UBTF: variants seen among roughly 807,000 people sequenced by gnomAD.
The protein encoded by UBTF is upstream binding transcription factor, also known as nucleolar transcription factor 1.
In UBTF, 8 loss-of-function variants were observed where a neutral mutation model predicts 112.3. The ratio of observed to expected loss-of-function variants is 0.07; its 90% CI spans 0.04 to 0.13. UBTF has a LOEUF of 0.13. Ranked by LOEUF, UBTF falls within the 10% of genes least tolerant of loss-of-function variation. The pLI is 1.00. For synonymous variants in UBTF, 417 were observed against 373.1 expected (o/e 1.12, Z -1.36); for missense variants, 457 against 982.1 (o/e 0.47, Z 7.15).
chr17:44,213,367 G>A, intron 5 of UBTF, 85 bp from the exon 6 acceptor site: 1 of 1,421,228 alleles, frequency 7.0e-7, no homozygotes. Flanking sequence ...CCTCCTCGCT[G>A]GCTCTTCTGC....
Position 44,207,164 on chromosome 17 carries a change from TG to T in UBTF, c.*77del, listed in dbSNP as rs966720238. 6.6e-7 allele frequency: 1 copy of T among 1,507,046 alleles called. No homozygotes were observed. Among genetic ancestry groups the T allele is most frequent in the Non-Finnish European group, 9.1e-7 (1 of 1,096,298 alleles). 93.4% of individuals were successfully genotyped at this position (1,507,046 alleles called of 1,614,324 possible). A position where few individuals can be genotyped will look rare whatever the true frequency, so the allele number is the denominator to read the frequency against. On this transcript the variant is annotated 3_prime_UTR_variant, in exon 21 of 21. Transcript: ENST00000436088. The stretch of plus-strand genomic sequence containing the variant: ...GGCCAGGGGGGCAAGGGACAGAACA[TG>T]GGGGAGAAACAAAGGTGGTCAGTTG...
chr17:44,210,469 T>C lies in UBTF; in HGVS notation c.1364A>G (p.Lys455Arg). 1.2e-6 allele frequency: 2 copies of C among 1,606,372 alleles called. No individual in the cohort carries two copies. The highest frequency in any genetic ancestry group is 1.7e-6 in the Non-Finnish European group (2 of 1,178,338). The change falls in exon 14 of 21, where the codon AAG (lysine) becomes AGG (arginine). Residue 455 changes from lysine (K) to arginine (R), a missense_variant. Physicochemically the swap from Lys to Arg is conservative, Grantham distance 26. This residue lies in a region of UBTF where 108 missense variants were observed against 137.4 expected (regional missense o/e 0.79). Coordinates refer to ENST00000436088, the MANE Select transcript of UBTF (RefSeq NM_014233.4). ...GAGCGCCGCCTCTCGGGCCTTGTAC[T>C]TGGCCTGCGGGGATGGCCCGGGCGT... Reference protein sequence around the residue: ...WNDLSEKKKAKYKAREAALKA... With the variant: ...WNDLSEKKKARYKAREAALKA...
chr17:44,218,106 G>A, intron 2 of UBTF, 66 bp downstream of exon 2: 2 of 1,512,334 alleles, frequency 1.3e-6, no homozygotes, highest in Non-Finnish European at 1.8e-6. Flanking sequence ...GAAGAAGGGA[G>A]TGAGCCCCGC....
At chr17:44,212,983 A>G in intron 6 of UBTF, 44 bp from the exon 7 acceptor site, 1 of 1,604,870 alleles carries the variant, frequency 6.2e-7, no homozygotes. Flanking sequence ...GGACGCTGCC[A>G]GGGCAGACTC....
chr17:44,207,562 G>C lies in UBTF; in HGVS notation c.2061C>G (p.Asp687Glu), dbSNP rs142426190. ...SEEDDEEDED[D>E]EDEDEEEEDD... ...CTTCCTCTTCTTCATCCTCGTCCTC[G>C]TCATCCTCATCCTCTTCATCATCCT... Residue 687 changes from aspartate (D) to glutamate (E), a missense_variant, in exon 20 of 21, where the codon GAC becomes GAG. Physicochemically the swap from Asp to Glu is conservative, Grantham distance 45. Transcript: ENST00000436088. 8 of 1,614,046 alleles carry C rather than the reference G, an allele frequency of 5.0e-6. No individual in the cohort carries two copies. In the African/African-American group the frequency reaches 1.1e-4, roughly 22 times the overall value.
At chr17:44,210,648 C>T (rs2056606128) in intron 13 of UBTF, 144 bp downstream of exon 13, 3 of 1,391,264 alleles carry the variant, frequency 2.2e-6, no homozygotes, top group African/African-American at 3.0e-5. Flanking sequence ...TTCCCGCCTT[C>T]CGGCTGCTGG....
Position 44,210,488 on chromosome 17 carries a change from C to A in UBTF, c.1360-15G>T. Reference sequence around the variant, plus strand: ...TTGTACTTGGCCTGCGGGGATGGCCCGGGCGTCAGCCTTCCACCCACCCCC... The same window carrying A: ...TTGTACTTGGCCTGCGGGGATGGCCAGGGCGTCAGCCTTCCACCCACCCCC... On this transcript the variant is annotated splice_polypyrimidine_tract_variant and intron_variant, in intron 13 of 20. Transcript: ENST00000436088. 1 of 1,582,732 alleles carries A rather than the reference C, an allele frequency of 6.3e-7. No individual in the cohort carries two copies.
intron 3 of UBTF, 89 bp from the exon 4 acceptor site, chr17:44,216,078 T>C: frequency 9.6e-7 from 1 of 1,037,948 alleles, no homozygotes; most frequent in Admixed American, 2.0e-5. Context: ...GGGTCTCTTC[T>C]ACTCTTTACT....
rs2056691114 is a variant in UBTF at position 44,211,763 on chromosome 17, GGA to G, written c.906-18_906-17del. 6.2e-7 allele frequency: 1 copy of G among 1,603,124 alleles called. No homozygotes were observed. Among genetic ancestry groups the G allele is most frequent in the Non-Finnish European group, 8.5e-7 (1 of 1,177,478 alleles). On this transcript the variant is annotated splice_polypyrimidine_tract_variant and intron_variant, in intron 9 of 20. Coordinates refer to ENST00000436088, the MANE Select transcript of UBTF (RefSeq NM_014233.4). This position sits in a 1 kb window ranked among gnomAD's most constrained non-coding sequence, Gnocchi z 4.9. The stretch of plus-strand genomic sequence containing the variant: ...GTAGCTGTTCCTATCAGAGCCGCGG[GGA>G]GAGAGGTGCAGCCCGTAAGCGAGCA...
At chr17:44,213,710 C>A (rs2046697285) in intron 5 of UBTF, among the ~76,000 whole-genome samples, 1 of 152,188 alleles carries the variant, frequency 6.6e-6, no homozygotes, top group African/African-American at 2.4e-5. Context: ...ATTAGTCTGT[C>A]CCCTTGTACG....
Position 44,207,216 on chromosome 17 carries a change from T to C in UBTF, c.*26A>G, listed in dbSNP as rs748055414. The C allele has an allele frequency of 3.1e-6, 5 of 1,612,846 alleles. 1 individual carries two copies. The South Asian group carries it at 5.5e-5, about 18-fold the overall frequency. ...GGGAGGGGAGCTCCTGGGCTCTCCC[T>C]GGCTGCCCTGGGGTGGGGCTGAGCC... On this transcript the variant is annotated 3_prime_UTR_variant, in exon 21 of 21. Transcript: ENST00000436088.
intron 7 of UBTF, 113 bp downstream of exon 7, chr17:44,212,706 T>G (rs2056770982): frequency 6.5e-7 from 1 of 1,538,660 alleles, no homozygotes; most frequent in Non-Finnish European, 8.8e-7. Flanking sequence ...AGCCCACCCC[T>G]GGGGAGGGGC....
At position 44,215,657 on chromosome 17, in the gene UBTF, C is replaced by T; in HGVS notation, c.471G>A (p.Lys157=). The part of the protein sequence containing the change: ...SKKYKELPEK[K]KMKYIQDFQR... ...ACCTTAACTCTCCTCCCCCCACCTTCTTCTTCTCCGGAAGCTCCTTGTATT... is the reference window on the plus strand; with the variant it reads ...ACCTTAACTCTCCTCCCCCCACCTTTTTCTTCTCCGGAAGCTCCTTGTATT... Residue 157 remains lysine, a synonymous_variant, in exon 5 of 21, where the codon AAG becomes AAA. Transcript: ENST00000436088. The T allele has an allele frequency of 2.5e-6, 4 of 1,613,966 alleles. No homozygotes were observed. The highest frequency in any genetic ancestry group is 2.5e-6 in the Non-Finnish European group (3 of 1,179,984).
chr17:44,216,242 G>A (rs2144551479), intron 3 of UBTF: 1 of 603,050 alleles, frequency 1.7e-6, no homozygotes, highest in Non-Finnish European at 2.9e-6. Flanking sequence ...CAACCTGGTT[G>A]TCCATGCTAA....
intron 2 of UBTF, among the ~76,000 whole-genome samples, chr17:44,217,702 A>G (rs2046915710): frequency 6.6e-6 from 1 of 152,184 alleles, no homozygotes; most frequent in African/African-American, 2.4e-5. Flanking sequence ...TCACTGCTGA[A>G]TGAGGCAGAG....
intron 13 of UBTF, 105 bp from the exon 14 acceptor site, chr17:44,210,578 G>T (rs1251224398): frequency 2.1e-6 from 3 of 1,423,530 alleles, no homozygotes; most frequent in East Asian, 5.2e-5. Context: ...GCATGGGCTG[G>T]TGCAGATGTC....
intron 8 of UBTF, 83 bp from the exon 9 acceptor site, chr17:44,212,089 G>C: frequency 6.8e-7 from 1 of 1,479,954 alleles, no homozygotes; most frequent in Non-Finnish European, 9.2e-7. Context: ...GCTGGGGAGG[G>C]CAGGCAGGGA....
At position 44,207,100 on chromosome 17, in the gene UBTF, ATTTT is replaced by A. The variant is rs374363130; in HGVS notation, c.*138_*141del. 8.7e-6 allele frequency: 7 copies of A among 803,896 alleles called. No homozygotes were observed. The highest frequency in any genetic ancestry group is 1.3e-5 in the Non-Finnish European group (7 of 533,214). 49.8% of individuals were successfully genotyped at this position (803,896 alleles called of 1,614,324 possible). A position where few individuals can be genotyped will look rare whatever the true frequency, so the allele number is the denominator to read the frequency against. On this transcript the variant is annotated 3_prime_UTR_variant, in exon 21 of 21. Coordinates refer to ENST00000436088, the MANE Select transcript of UBTF (RefSeq NM_014233.4). ...TCCTCCAGCCCCCTACCCCCACCGTATTTTTTTTTTTTTTTAAAGAAAGAAAGAA... is the reference window on the plus strand; with the variant it reads ...TCCTCCAGCCCCCTACCCCCACCGTATTTTTTTTTTTAAAGAAAGAAAGAA...
upstream of UBTF, chr17:44,220,655 C>T (rs2047143601): frequency 6.6e-6 from 1 of 152,234 alleles, no homozygotes. Flanking sequence ...GTTCTCCAGG[C>T]CTGCCCGGGC....
Sources: allele counts gnomAD v4.1 joint callset (sites outside exome capture counted in the v4.1 genomes callset), GRCh38; gene constraint gnomAD v4.1.1; regional missense constraint gnomAD v4.1.1; non-coding constraint Gnocchi (gnomAD v3.1); transcripts MANE v1.5; gene names NCBI Gene and HGNC (gene_info 2026-07-23, HGNC 2026-07-21).